The following TAFA1 variants were observed in gnomAD, a reference collection of about 807,000 sequenced individuals.
The protein encoded by TAFA1 is chemokine-like protein TAFA-1.
TAFA1 carries 4 observed loss-of-function variants against 18.5 expected under a neutral mutation model. The observed-to-expected ratio is 0.22, with a 90% CI of 0.11 to 0.49. The LOEUF is 0.49. TAFA1 is among the 20% of genes least tolerant of loss of function. The pLI, the probability that TAFA1 is intolerant of heterozygous loss-of-function variation, is 0.98. For synonymous variants in TAFA1, 56 were observed against 55.2 expected (o/e 1.01, Z -0.06); for missense variants, 147 against 169.0 (o/e 0.87, Z 0.72).
chr3:68,394,283 T>G (rs1343412878), intron 2 of TAFA1, among the ~76,000 whole-genome samples: 3 of 152,106 alleles, frequency 2.0e-5, no homozygotes, highest in African/African-American at 7.2e-5. Flanking sequence ...TACAAACCAC[T>G]GCTCAAGGAA....
At chr3:68,036,474 A>G (rs1384012594) in intron 2 of TAFA1, among the ~76,000 whole-genome samples, 2 of 151,950 alleles carry the variant, frequency 1.3e-5, no homozygotes, top group East Asian at 3.9e-4. Flanking sequence ...TACTGTAAGT[A>G]AATTTTAAAA....
chr3:68,052,634 A>G (rs541015183), intron 2 of TAFA1, among the ~76,000 whole-genome samples: 3 of 152,272 alleles, frequency 2.0e-5, no homozygotes, highest in East Asian at 1.9e-4. Context: ...GGACATCTTC[A>G]TTCACTTTAT....
intron 2 of TAFA1, among the ~76,000 whole-genome samples, chr3:68,036,431 T>G (rs1705049276): frequency 1.1e-5 from 1 of 87,212 alleles, no homozygotes; most frequent in South Asian, 4.2e-4. Flanking sequence ...AGAGTGAGAC[T>G]CTGTCAAAAA....
At chr3:68,417,560 C>A in intron 3 of TAFA1, 140 bp downstream of exon 3, 1 of 780,528 alleles carries the variant, frequency 1.3e-6, no homozygotes, top group Non-Finnish European at 2.0e-6. Flanking sequence ...TTGCCAGCCT[C>A]AGCAGAGTTT....
chr3:68,183,313 T>A (rs1253209485), intron 2 of TAFA1, among the ~76,000 whole-genome samples: 1 of 152,168 alleles, frequency 6.6e-6, no homozygotes, highest in African/African-American at 2.4e-5. Flanking sequence ...CTCCTCATTA[T>A]GCCCCATGAT....
chr3:68,086,121 A>G (rs576705415), intron 2 of TAFA1, among the ~76,000 whole-genome samples: 1 of 152,356 alleles, frequency 6.6e-6, no homozygotes, highest in African/African-American at 2.4e-5. Flanking sequence ...AGCATCTGGA[A>G]GTGGAGAATT....
intron 2 of TAFA1, among the ~76,000 whole-genome samples, chr3:68,414,239 A>C (rs2070769853): frequency 6.6e-6 from 1 of 152,172 alleles, no homozygotes; most frequent in Non-Finnish European, 1.5e-5. Context: ...CCTGGGAAGC[A>C]GAGGTTGCAG....
intron 2 of TAFA1, among the ~76,000 whole-genome samples, chr3:68,397,638 C>G (rs2070409547): frequency 6.6e-6 from 1 of 150,870 alleles, no homozygotes; most frequent in Non-Finnish European, 1.5e-5. Context: ...GTGCATATGT[C>G]TTTATAATAG....
chr3:68,195,784 AT>A (rs958853383), intron 2 of TAFA1, among the ~76,000 whole-genome samples: 26 of 151,332 alleles, frequency 1.7e-4, no homozygotes, highest in African/African-American at 6.3e-4. Flanking sequence ...ATAATATAAT[AT>A]TTTCTTTTTT....
intron 2 of TAFA1, among the ~76,000 whole-genome samples, chr3:68,124,916 G>T (rs1232517432): frequency 6.6e-6 from 1 of 152,242 alleles, no homozygotes; most frequent in African/African-American, 2.4e-5. Flanking sequence ...GCAGGTTAGA[G>T]TTGGGGTTTC....
At chr3:68,103,110 C>T (rs1009929488) in intron 2 of TAFA1, among the ~76,000 whole-genome samples, 1 of 152,184 alleles carries the variant, frequency 6.6e-6, no homozygotes, top group African/African-American at 2.4e-5. Context: ...GCTCTGGTGT[C>T]CAAAGTCATG....
intron 3 of TAFA1, among the ~76,000 whole-genome samples, chr3:68,438,386 G>C (rs1265893973): frequency 6.6e-6 from 1 of 152,074 alleles, no homozygotes; most frequent in East Asian, 1.9e-4. Flanking sequence ...TAACAGAATA[G>C]TCTCCTCTGG....
intron 2 of TAFA1, among the ~76,000 whole-genome samples, chr3:68,164,079 A>T (rs1343821324): frequency 6.6e-6 from 1 of 152,216 alleles, no homozygotes; most frequent in Non-Finnish European, 1.5e-5. Flanking sequence ...GTTTTTTAAC[A>T]GATATGCTAA....
At chr3:68,075,980 A>G (rs1190765874) in intron 2 of TAFA1, among the ~76,000 whole-genome samples, 1 of 152,234 alleles carries the variant, frequency 6.6e-6, no homozygotes, top group Non-Finnish European at 1.5e-5. Context: ...TACAGGCATT[A>G]GCCTCTGTGC....
At chr3:68,464,685 T>C (rs1449844571) in intron 3 of TAFA1, among the ~76,000 whole-genome samples, 2 of 152,144 alleles carry the variant, frequency 1.3e-5, no homozygotes, top group Non-Finnish European at 2.9e-5. Flanking sequence ...TTTTAAGCAA[T>C]GGTAGTGACA....
intron 2 of TAFA1, among the ~76,000 whole-genome samples, chr3:68,221,764 T>A (rs924955995): frequency 6.6e-6 from 1 of 152,176 alleles, no homozygotes; most frequent in African/African-American, 2.4e-5. Context: ...GTGGGGGAGA[T>A]TCTCAATGAA....
upstream of TAFA1, among the ~76,000 whole-genome samples, chr3:68,002,455 T>G (rs1704294123): frequency 6.6e-6 from 1 of 152,226 alleles, no homozygotes; most frequent in African/African-American, 2.4e-5. Context: ...TTACAGGTTT[T>G]CAAAATAGTA....
chr3:68,164,527 T>C (rs551386285), intron 2 of TAFA1, among the ~76,000 whole-genome samples: 1 of 152,226 alleles, frequency 6.6e-6, no homozygotes, highest in African/African-American at 2.4e-5. Flanking sequence ...TTTTGCAGAA[T>C]CTTTTCTTTT....
intron 2 of TAFA1, among the ~76,000 whole-genome samples, chr3:68,349,498 T>C (rs1261724952): frequency 6.6e-6 from 1 of 152,112 alleles, no homozygotes; most frequent in East Asian, 1.9e-4. Flanking sequence ...TGTTTAGTTC[T>C]TCAGCATGTG....
Sources: allele counts gnomAD v4.1 joint callset (sites outside exome capture counted in the v4.1 genomes callset), GRCh38; gene constraint gnomAD v4.1.1; transcripts MANE v1.5; gene names NCBI Gene and HGNC (gene_info 2026-07-23, HGNC 2026-07-21).